Variants in GPR158 observed in about 807,000 individuals in gnomAD.
GPR158 encodes the protein metabotropic glycine receptor.
A neutral mutation model predicts 78.2 loss-of-function variants in GPR158; 30 were observed. The ratio of observed to expected loss-of-function variants is 0.38; its 90% CI spans 0.29 to 0.52. The LOEUF (loss-of-function observed/expected upper bound fraction) is 0.52, where lower values mean the gene tolerates loss of function less well. Among genes scored for constraint, GPR158 ranks in the 20% least tolerant of loss-of-function variants. GPR158 has a pLI of 0.83. For missense variants in GPR158, 1,463 were observed against 1,523.5 expected, an observed-to-expected ratio of 0.96 and a Z score of 0.66; for synonymous variants, 581 against 591.1, an observed-to-expected ratio of 0.98 and a Z score of 0.25.
At chr10:25,485,591 CATT>C (rs996842339) in intron 5 of GPR158, among the ~76,000 whole-genome samples, 2 of 151,936 alleles carry the variant, frequency 1.3e-5, no homozygotes, top group African/African-American at 4.8e-5. Context: ...CTAAAACTGT[CATT>C]ATTTTATATG....
intron 1 of GPR158, among the ~76,000 whole-genome samples, chr10:25,213,102 C>T (rs1370977324): frequency 6.6e-6 from 1 of 152,102 alleles, no homozygotes; most frequent in African/African-American, 2.4e-5. Flanking sequence ...ATATCATGTA[C>T]AAATAATGAC....
chr10:25,550,482 G>A (rs1208397518), intron 5 of GPR158, among the ~76,000 whole-genome samples: 4 of 152,222 alleles, frequency 2.6e-5, no homozygotes, highest in East Asian at 3.9e-4. Flanking sequence ...GGGAACAATC[G>A]GCTCTGGGGG....
chr10:25,193,969 A>C (rs1291911614), intron 1 of GPR158, among the ~76,000 whole-genome samples: 1 of 152,242 alleles, frequency 6.6e-6, no homozygotes, highest in Admixed American at 6.5e-5. Flanking sequence ...AAGCCTGTAA[A>C]ATGAAATGTT....
intron 2 of GPR158, among the ~76,000 whole-genome samples, chr10:25,243,034 A>G (rs968715220): frequency 6.9e-4 from 105 of 152,348 alleles, no homozygotes; most frequent in African/African-American, 2.4e-3. Context: ...AGAGACAAGC[A>G]TACAGCACCA....
intron 2 of GPR158, among the ~76,000 whole-genome samples, chr10:25,246,801 G>A (rs1390514138): frequency 1.3e-5 from 2 of 152,178 alleles, no homozygotes; most frequent in Non-Finnish European, 2.9e-5. Flanking sequence ...TGATAAGAAG[G>A]ATTTTTGGAT....
At chr10:25,277,620 G>A (rs559002767) in intron 2 of GPR158, among the ~76,000 whole-genome samples, 31 of 152,286 alleles carry the variant, frequency 2.0e-4, no homozygotes, top group African/African-American at 3.4e-4. Flanking sequence ...CTATGGGAGC[G>A]AATGCTGGTA....
chr10:25,516,850 GT>G, intron 5 of GPR158, among the ~76,000 whole-genome samples: 1 of 124,960 alleles, frequency 8.0e-6, no homozygotes, highest in Non-Finnish European at 1.6e-5. Flanking sequence ...ACTTGGCGAT[GT>G]GGGCTCTTTT....
At chr10:25,565,554 A>G (rs1433387486) in intron 6 of GPR158, among the ~76,000 whole-genome samples, 1 of 151,934 alleles carries the variant, frequency 6.6e-6, no homozygotes, top group South Asian at 2.1e-4. Context: ...CAGCTGCTAG[A>G]TAGTTCTATT....
intron 4 of GPR158, among the ~76,000 whole-genome samples, chr10:25,453,577 AAT>A (rs931004786): frequency 2.0e-5 from 3 of 152,154 alleles, no homozygotes; most frequent in African/African-American, 7.2e-5. Context: ...AATTCCAATT[AAT>A]GAGTGGATTT....
chr10:25,544,285 G>GTTT (rs1185513225), intron 5 of GPR158, among the ~76,000 whole-genome samples: 3 of 104,554 alleles, frequency 2.9e-5, no homozygotes, highest in African/African-American at 1.1e-4. Flanking sequence ...TCAGCATAGT[G>GTTT]TTTTATTTTT....
intron 2 of GPR158, among the ~76,000 whole-genome samples, chr10:25,347,193 G>A (rs1368003665): frequency 2.6e-5 from 4 of 151,872 alleles, no homozygotes; most frequent in Non-Finnish European, 4.4e-5. Context: ...GGGAGAAGTG[G>A]TTTCCTTGTC....
intron 5 of GPR158, among the ~76,000 whole-genome samples, chr10:25,505,704 C>T (rs1454385887): frequency 2.0e-5 from 3 of 152,194 alleles, no homozygotes. Flanking sequence ...GCACCCTCTA[C>T]TCCAGGAAAT....
At chr10:25,426,223 T>G (rs576918845) in intron 4 of GPR158, among the ~76,000 whole-genome samples, 1 of 152,296 alleles carries the variant, frequency 6.6e-6, no homozygotes, top group South Asian at 2.1e-4. Flanking sequence ...AAAGGAATGT[T>G]GTGGCTGCAT....
At chr10:25,416,841 C>T (rs1834668390) in intron 4 of GPR158, among the ~76,000 whole-genome samples, 5 of 151,540 alleles carry the variant, frequency 3.3e-5, no homozygotes, top group Admixed American at 3.3e-4. Context: ...GAAATAAAAA[C>T]ACTTCTAGAA....
At chr10:25,280,067 A>T (rs369946239) in intron 2 of GPR158, among the ~76,000 whole-genome samples, 1 of 152,166 alleles carries the variant, frequency 6.6e-6, no homozygotes, top group African/African-American at 2.4e-5. Flanking sequence ...CCAAAAAAGC[A>T]TAGAAAAATC....
chr10:25,226,570 T>C (rs538063378), intron 2 of GPR158, among the ~76,000 whole-genome samples: 1 of 152,346 alleles, frequency 6.6e-6, no homozygotes, highest in East Asian at 1.9e-4. Flanking sequence ...GAAACTGTAA[T>C]AGTCTCACAG....
chr10:25,243,550 T>G (rs2130711158), intron 2 of GPR158, among the ~76,000 whole-genome samples: 1 of 152,320 alleles, frequency 6.6e-6, no homozygotes. Flanking sequence ...TTTCAAGCAT[T>G]TTTCCAAACT....
intron 2 of GPR158, among the ~76,000 whole-genome samples, chr10:25,343,769 A>G (rs1420836587): frequency 6.6e-6 from 1 of 152,010 alleles, no homozygotes; most frequent in African/African-American, 2.4e-5. Flanking sequence ...TGCTTGGCCT[A>G]TATAACTCCT....
chr10:25,559,285 G>T (rs531588354), intron 6 of GPR158, among the ~76,000 whole-genome samples: 1 of 152,214 alleles, frequency 6.6e-6, no homozygotes, highest in East Asian at 1.9e-4. Flanking sequence ...TTTGATTGGT[G>T]TTAGCATGGT....
Sources: allele counts gnomAD v4.1 joint callset (sites outside exome capture counted in the v4.1 genomes callset), GRCh38; gene constraint gnomAD v4.1.1; transcripts MANE v1.5; gene names NCBI Gene and HGNC (gene_info 2026-07-23, HGNC 2026-07-21).